TTC28: variants seen among roughly 807,000 people sequenced by gnomAD.
The protein encoded by TTC28 is tetratricopeptide repeat protein 28.
A neutral mutation model predicts 198.0 loss-of-function variants in TTC28; 61 were observed. The ratio of observed to expected loss-of-function variants is 0.31; its 90% CI spans 0.25 to 0.38. TTC28 has a LOEUF of 0.38. Among genes scored for constraint, TTC28 ranks in the 10% least tolerant of loss-of-function variants. The probability of loss-of-function intolerance (pLI) is 1.00; values close to 1 mark genes in which losing one functional copy is unlikely to be tolerated. For missense variants in TTC28, 2,678 were observed against 3,164.0 expected, an observed-to-expected ratio of 0.85 and a Z score of 3.69; for synonymous variants, 1,171 against 1,297.8, an observed-to-expected ratio of 0.90 and a Z score of 2.10.
chr22:28,502,779 C>T (rs1306135862), intron 2 of TTC28, among the ~76,000 whole-genome samples: 3 of 151,908 alleles, frequency 2.0e-5, no homozygotes, highest in Non-Finnish European at 2.9e-5. Context: ...CCAATTTTCA[C>T]AAAAGTGAGA....
At chr22:28,492,867 C>T (rs779668269) in intron 2 of TTC28, among the ~76,000 whole-genome samples, 14 of 151,962 alleles carry the variant, frequency 9.2e-5, no homozygotes, top group African/African-American at 1.2e-4. Context: ...AGAAAATACA[C>T]GAAATGTTCC....
intron 5 of TTC28, among the ~76,000 whole-genome samples, chr22:28,250,567 A>C (rs1690186864): frequency 6.6e-6 from 1 of 152,202 alleles, no homozygotes. Context: ...CAGTATTTCC[A>C]TATAAGCTAT....
intron 13 of TTC28, among the ~76,000 whole-genome samples, chr22:28,026,232 C>A (rs1402115191): frequency 6.6e-6 from 1 of 152,160 alleles, no homozygotes; most frequent in Non-Finnish European, 1.5e-5. Flanking sequence ...CCTCTGCACC[C>A]CTCAACGTGG....
chr22:28,673,402 G>A (rs1276929500), intron 1 of TTC28, among the ~76,000 whole-genome samples: 1 of 152,118 alleles, frequency 6.6e-6, no homozygotes, highest in African/African-American at 2.4e-5. Context: ...TGTTAAATAA[G>A]AGAATGCATT....
chr22:27,983,871 G>T lies in TTC28; in HGVS notation c.5816-20C>A. The T allele has an allele frequency of 1.3e-6, 2 of 1,537,700 alleles. No individual in the cohort carries two copies. The highest frequency in any genetic ancestry group is 1.7e-6 in the Non-Finnish European group (2 of 1,143,188). ...TAGAATCTAAGCACAAAACACAAGG[G>T]CCCCAAGGACAGTTAGAATTCTATA... On this transcript the variant is annotated intron_variant, in intron 22 of 22. Coordinates refer to ENST00000397906, the MANE Select transcript of TTC28 (RefSeq NM_001145418.2).
chr22:28,051,649 C>T (rs761627995), intron 12 of TTC28, among the ~76,000 whole-genome samples: 2 of 152,214 alleles, frequency 1.3e-5, no homozygotes, highest in South Asian at 2.1e-4. Flanking sequence ...TTTAACAGCC[C>T]GAGATTTTGA....
At chr22:28,480,705 A>G (rs1457874581) in intron 2 of TTC28, among the ~76,000 whole-genome samples, 1 of 152,246 alleles carries the variant, frequency 6.6e-6, no homozygotes, top group African/African-American at 2.4e-5. Flanking sequence ...TCTTTCTAAG[A>G]CTGTTTCCTA....
intron 2 of TTC28, among the ~76,000 whole-genome samples, chr22:28,387,323 T>G (rs1343559549): frequency 6.6e-6 from 1 of 152,236 alleles, no homozygotes; most frequent in Non-Finnish European, 1.5e-5. Context: ...TGTGTCTTTA[T>G]AGCAGCATGA....
At chr22:28,542,886 A>G (rs2049447611) in intron 2 of TTC28, among the ~76,000 whole-genome samples, 1 of 152,224 alleles carries the variant, frequency 6.6e-6, no homozygotes, top group Admixed American at 6.5e-5. Context: ...AAACATAATA[A>G]AAATAAGAAC....
intron 1 of TTC28, among the ~76,000 whole-genome samples, chr22:28,663,063 A>G (rs1421750533): frequency 6.6e-6 from 1 of 152,006 alleles, no homozygotes; most frequent in Non-Finnish European, 1.5e-5. Flanking sequence ...CCTGGCTAAC[A>G]CAGTGAAACC....
intron 2 of TTC28, among the ~76,000 whole-genome samples, chr22:28,502,747 T>C (rs2048554645): frequency 6.6e-6 from 1 of 152,130 alleles, no homozygotes; most frequent in African/African-American, 2.4e-5. Flanking sequence ...AGTGCAGAAA[T>C]CCTGGATACT....
At chr22:28,640,682 A>C (rs1015931761) in intron 1 of TTC28, among the ~76,000 whole-genome samples, 1 of 152,164 alleles carries the variant, frequency 6.6e-6, no homozygotes, top group African/African-American at 2.4e-5. Context: ...AAATGACGGA[A>C]GCTGAAATAG....
At chr22:28,243,174 CAA>C (rs754700795) in intron 5 of TTC28, among the ~76,000 whole-genome samples, 45 of 68,314 alleles carry the variant, frequency 6.6e-4, no homozygotes, top group East Asian at 1.9e-3. Flanking sequence ...CCCCTCTCTA[CAA>C]AAAAAAAAAA....
At chr22:28,109,732 C>A (rs1347233233) in intron 6 of TTC28, among the ~76,000 whole-genome samples, 1 of 152,180 alleles carries the variant, frequency 6.6e-6, no homozygotes, top group Non-Finnish European at 1.5e-5. Flanking sequence ...TGAGGGCCAC[C>A]ACTAGAAAAG....
At chr22:28,372,678 T>A (rs1463352655) in intron 2 of TTC28, among the ~76,000 whole-genome samples, 2 of 152,146 alleles carry the variant, frequency 1.3e-5, no homozygotes, top group Non-Finnish European at 2.9e-5. Flanking sequence ...ATGCTGATGG[T>A]CAGCTTTTCC....
At chr22:28,328,203 G>A (rs1324947298) in intron 2 of TTC28, among the ~76,000 whole-genome samples, 4 of 152,126 alleles carry the variant, frequency 2.6e-5, no homozygotes, top group South Asian at 2.1e-4. Flanking sequence ...AAGCCAAGGC[G>A]GGAGAATGGC....
rs895373436 is a variant in TTC28 at position 27,999,313 on chromosome 22, G to A, written c.4399-53C>T. On this transcript the variant is annotated intron_variant, in intron 15 of 22. Coordinates refer to ENST00000397906, the MANE Select transcript of TTC28 (RefSeq NM_001145418.2). ...ACCCGTCAGACAGAACAGCCAGGCTGCCCGGCAGTGGTCGGCCGAGCACAG... is the reference window on the plus strand; with the variant it reads ...ACCCGTCAGACAGAACAGCCAGGCTACCCGGCAGTGGTCGGCCGAGCACAG... 3.3e-6 allele frequency: 5 copies of A among 1,495,946 alleles called. No individual in the cohort carries two copies. In the African/African-American group the frequency reaches 4.2e-5, roughly 12 times the overall value. 92.7% of individuals were successfully genotyped at this position (1,495,946 alleles called of 1,614,324 possible). A position where few individuals can be genotyped will look rare whatever the true frequency, so the allele number is the denominator to read the frequency against.
chr22:28,294,977 A>G (rs1287117340), intron 5 of TTC28, among the ~76,000 whole-genome samples: 1 of 152,194 alleles, frequency 6.6e-6, no homozygotes, highest in Non-Finnish European at 1.5e-5. Flanking sequence ...CCATTAGTAT[A>G]TCTGTCTCTA....
In TTC28 at chr22:28,408,804, G is replaced by A. The variant is rs115144489; in HGVS notation, c.382-102161C>T. On this transcript the variant is annotated intron_variant, in intron 2 of 22. Transcript: ENST00000397906. ...AACCTGCAATTAAAATGAGCTCTTC[G>A]AATGAGTCTTGAACTACCACATCTG... Among the ~76,000 whole-genome samples, 694 of 152,308 alleles carry A rather than the reference G, an allele frequency of 4.6e-3. 4 individuals are homozygous for A. The highest frequency in any genetic ancestry group is 0.016 in the African/African-American group (666 of 41,566).
Sources: allele counts gnomAD v4.1 joint callset (sites outside exome capture counted in the v4.1 genomes callset), GRCh38; gene constraint gnomAD v4.1.1; transcripts MANE v1.5; gene names NCBI Gene and HGNC (gene_info 2026-07-23, HGNC 2026-07-21).